Variants in CPSF6 observed in about 807,000 individuals in gnomAD.
The protein encoded by CPSF6 is cleavage and polyadenylation specific factor 6.
Under a neutral mutation model 56.7 loss-of-function variants are expected in CPSF6, and 10 were observed. The observed-to-expected ratio is 0.18, with a 90% confidence interval of 0.11 to 0.30. The LOEUF (loss-of-function observed/expected upper bound fraction) is 0.30. CPSF6 is among the 10% of genes least tolerant of loss of function. The probability of loss-of-function intolerance (pLI) is 1.00; values close to 1 mark genes in which losing one functional copy is unlikely to be tolerated. For synonymous variants in CPSF6, 248 were observed against 244.8 expected (o/e 1.01, Z -0.12); for missense variants, 419 against 722.9 (o/e 0.58, Z 4.82).
intron 1 of CPSF6, among the ~76,000 whole-genome samples, chr12:69,245,006 C>G (rs540741641): frequency 6.6e-6 from 1 of 151,338 alleles, no homozygotes; most frequent in Admixed American, 6.6e-5. Flanking sequence ...CACCTGTAAT[C>G]CCAGTGCTTT....
At chr12:69,257,149 CTTAGA>C (rs1872545182) in intron 4 of CPSF6, among the ~76,000 whole-genome samples, 1 of 152,238 alleles carries the variant, frequency 6.6e-6, no homozygotes, top group Admixed American at 6.5e-5. Flanking sequence ...CATTCTAATT[CTTAGA>C]TTAAAGGAGA....
At chr12:69,262,138 G>A (rs964063317) in intron 8 of CPSF6, among the ~76,000 whole-genome samples, 4 of 152,094 alleles carry the variant, frequency 2.6e-5, no homozygotes, top group African/African-American at 7.2e-5. Context: ...ATGATGTGAT[G>A]CATTTCTGTG....
At chr12:69,259,625 G>A (rs1398245314) in intron 7 of CPSF6, 82 bp downstream of exon 7, 4 of 1,146,090 alleles carry the variant, frequency 3.5e-6, no homozygotes, top group Non-Finnish European at 3.7e-6. Context: ...TAGAAGATAG[G>A]TCATTTACAT....
intron 9 of CPSF6, among the ~76,000 whole-genome samples, chr12:69,263,504 A>G (rs948677604): frequency 7.2e-5 from 11 of 152,066 alleles, no homozygotes; most frequent in Admixed American, 7.2e-4. Context: ...GTTATTCTGT[A>G]AATTAAAATA....
At chr12:69,250,140 CTTCT>C (rs542648466) in intron 1 of CPSF6, among the ~76,000 whole-genome samples, 22 of 152,010 alleles carry the variant, frequency 1.4e-4, no homozygotes, top group Admixed American at 1.0e-3. Context: ...ACCCATATTT[CTTCT>C]TTCTTTTATG....
chr12:69,260,318 G>T, intron 8 of CPSF6, 121 bp downstream of exon 8: 6 of 615,826 alleles, frequency 9.7e-6, no homozygotes, highest in African/African-American at 5.4e-5. Flanking sequence ...CAGCTGGAGT[G>T]GTTTTTTTTT....
chr12:69,239,902 C>T (rs1334894663), intron 1 of CPSF6, among the ~76,000 whole-genome samples, 196 bp downstream of exon 1: 1 of 149,214 alleles, frequency 6.7e-6, no homozygotes, highest in Non-Finnish European at 1.5e-5. Flanking sequence ...GCCGCGGGCG[C>T]GGCGAGTCGC....
At chr12:69,263,624 C>G (rs375578168) in intron 9 of CPSF6, among the ~76,000 whole-genome samples, 1 of 152,070 alleles carries the variant, frequency 6.6e-6, no homozygotes, top group East Asian at 1.9e-4. Flanking sequence ...GGGAAACTTA[C>G]TGAAAATTCA....
chr12:69,269,345 A>C (rs1873141639), intron 9 of CPSF6, among the ~76,000 whole-genome samples, 167 bp from the exon 10 acceptor site: 1 of 151,892 alleles, frequency 6.6e-6, no homozygotes, highest in African/African-American at 2.4e-5. Context: ...AAATTGGAAC[A>C]TTTCACCACC....
At chr12:69,241,566 C>A (rs1287918563) in intron 1 of CPSF6, among the ~76,000 whole-genome samples, 2 of 152,120 alleles carry the variant, frequency 1.3e-5, no homozygotes, top group Non-Finnish European at 2.9e-5. Flanking sequence ...TATTTTTAGG[C>A]TTTTGCATAC....
chr12:69,258,930 A>G lies in CPSF6; in HGVS notation c.1035A>G (p.Gly345=), dbSNP rs770114953. 7 of 1,613,902 alleles carry G rather than the reference A, an allele frequency of 4.3e-6. No homozygotes were observed. The highest frequency in any genetic ancestry group is 5.9e-6 in the Non-Finnish European group (7 of 1,179,982). The change falls in exon 6 of 10, where the codon GGA becomes GGG. Residue 345 remains glycine (G), a synonymous_variant. Transcript: ENST00000435070. The surrounding 1 kb of genome is among the most constrained non-coding windows in gnomAD (Gnocchi z 4.2). The part of the protein sequence containing the change: ...LTLAPPPHLP[G]PPPGAPPPAP... ...TAGCTCCTCCTCCGCATCTTCCTGG[A>G]CCACCTCCAGGTGCCCCACCGCCAG...
At chr12:69,253,703 GAATTAT>G (rs766792532) in intron 3 of CPSF6, among the ~76,000 whole-genome samples, 10 of 151,766 alleles carry the variant, frequency 6.6e-5, no homozygotes, top group Non-Finnish European at 1.0e-4. Flanking sequence ...ATAAATAATG[GAATTAT>G]AATTCATGTG....
At position 69,262,472 on chromosome 12, in the gene CPSF6, G is replaced by C; in HGVS notation, c.1569G>C (p.Glu523Asp). Residue 523 changes from glutamate (E) to aspartate (D), a missense_variant, in exon 9 of 10, where the codon GAG (glutamate) becomes GAC (aspartate). Transcript: ENST00000435070. ...SRDRHDDYYR[E>D]RSRERERHRD... ...ACCGTCATGACGATTATTACAGAGA[G>C]AGAAGCAGAGAACGAGAGAGGCACC... is the stretch of plus-strand genomic sequence containing the variant. The C allele has an allele frequency of 6.2e-7, 1 of 1,614,148 alleles. No homozygotes were observed. The highest frequency in any genetic ancestry group is 8.5e-7 in the Non-Finnish European group (1 of 1,180,002).
intron 9 of CPSF6, among the ~76,000 whole-genome samples, chr12:69,262,985 A>G (rs12425906): frequency 6.6e-6 from 1 of 152,118 alleles, no homozygotes. Context: ...CTATTTTTGA[A>G]CTAGTTTTAT....
intron 3 of CPSF6, among the ~76,000 whole-genome samples, chr12:69,253,597 G>A (rs1383743662): frequency 6.6e-6 from 1 of 151,976 alleles, no homozygotes; most frequent in East Asian, 1.9e-4. Context: ...CTAAAAGTAA[G>A]AAAATAAAAT....
At position 69,256,150 on chromosome 12, in the gene CPSF6, T is replaced by C. The variant is rs192247469; in HGVS notation, c.375-547T>C. Among the ~76,000 whole-genome samples, 4 of 152,294 alleles carry C rather than the reference T, an allele frequency of 2.6e-5. No homozygotes were observed. The East Asian group carries it at 7.7e-4, about 29-fold the overall frequency. ...GGACCTCCTATTGTATGATTCCATT[T>C]AGATGAAATGTCTAGGATAGGCCAG... On this transcript the variant is annotated intron_variant, in intron 3 of 9. Coordinates refer to ENST00000435070, the MANE Select transcript of CPSF6 (RefSeq NM_007007.3).
At position 69,249,161 on chromosome 12, in the gene CPSF6, G is replaced by C. The variant is rs1001398824; in HGVS notation, c.61-1968G>C. Among the ~76,000 whole-genome samples, 28 of 72,710 alleles carry C rather than the reference G, an allele frequency of 3.9e-4. 8 individuals carry two copies. Among genetic ancestry groups the C allele is most frequent in the African/African-American group, 1.1e-3 (23 of 20,906 alleles). 47.7% of individuals were successfully genotyped at this position (72,710 alleles called of 152,430 possible). A position where few individuals can be genotyped will look rare whatever the true frequency, so the allele number is the denominator to read the frequency against. ...TGTAGTCCCAGCTACTCGGGGGGGG[G>C]GGGGGGGGCTGAGGCAGGAGAATGG... On this transcript the variant is annotated intron_variant, in intron 1 of 9. Transcript: ENST00000435070.
intron 1 of CPSF6, among the ~76,000 whole-genome samples, chr12:69,249,793 A>G (rs1453035766): frequency 1.3e-5 from 2 of 152,222 alleles, no homozygotes; most frequent in Admixed American, 1.3e-4. Flanking sequence ...CTTAGTTACA[A>G]ATTGAACCCT....
chr12:69,269,032 G>A (rs1873126004), intron 9 of CPSF6, among the ~76,000 whole-genome samples: 1 of 151,890 alleles, frequency 6.6e-6, no homozygotes, highest in Non-Finnish European at 1.5e-5. Flanking sequence ...AGAAGTTCCT[G>A]TATGCTGTTA....
Sources: gnomAD v4.1 joint callset for allele counts (sites outside exome capture counted in the v4.1 genomes callset) on GRCh38, gnomAD v4.1.1 for gene constraint, Gnocchi (gnomAD v3.1) non-coding constraint, MANE v1.5 for transcripts, NCBI Gene and HGNC (gene_info 2026-07-23, HGNC 2026-07-21) for gene names.